Variants in TNIP3 observed in about 807,000 individuals in gnomAD.
TNIP3 encodes TNFAIP3-interacting protein 3.
A neutral mutation model predicts 54.1 loss-of-function variants in TNIP3; 34 were observed. The observed-to-expected ratio is 0.63, with a 90% CI of 0.48 to 0.84. TNIP3 has a LOEUF of 0.84. Ranked by LOEUF, TNIP3 falls within the 40% of genes least tolerant of loss-of-function variation. The pLI, the probability that TNIP3 is intolerant of heterozygous loss-of-function variation, is 0.00. For synonymous variants in TNIP3, 134 were observed against 136.8 expected (o/e 0.98, Z 0.14); for missense variants, 366 against 387.6 (o/e 0.94, Z 0.47).
At chr4:121,172,355 T>C (rs1028866136) in intron 3 of TNIP3, among the ~76,000 whole-genome samples, 9 of 152,134 alleles carry the variant, frequency 5.9e-5, no homozygotes, top group Non-Finnish European at 1.2e-4. Flanking sequence ...GAGGAGGATG[T>C]AGTGTTTACC....
chr4:121,208,325 AC>A (rs1295315350), intron 2 of TNIP3, among the ~76,000 whole-genome samples: 1 of 152,106 alleles, frequency 6.6e-6, no homozygotes, highest in Non-Finnish European at 1.5e-5. Context: ...CTATTGTAAA[AC>A]CCAGGAAGAG....
chr4:121,224,368 AT>A (rs201421689), intron 1 of TNIP3, among the ~76,000 whole-genome samples: 78,701 of 142,854 alleles, frequency 0.55, 21,158 homozygotes, highest in South Asian at 0.72. Flanking sequence ...GTCTCAAAAA[AT>A]AAAAAGAAAA....
chr4:121,178,762 C>T (rs1017622276), intron 3 of TNIP3, among the ~76,000 whole-genome samples: 1 of 152,156 alleles, frequency 6.6e-6, no homozygotes, highest in African/African-American at 2.4e-5. Context: ...TTCAGTGTTA[C>T]CATGTCTCAT....
intron 2 of TNIP3, among the ~76,000 whole-genome samples, chr4:121,202,002 C>T (rs1284083480): frequency 2.0e-5 from 3 of 152,078 alleles, no homozygotes; most frequent in African/African-American, 7.2e-5. Context: ...TCTACAAATT[C>T]AGTGCAATTC....
chr4:121,137,460 A>G (rs1467978692), intron 10 of TNIP3: 1 of 152,472 alleles, frequency 6.6e-6, no homozygotes, highest in Non-Finnish European at 1.5e-5. Context: ...TTTGATAAAT[A>G]CCTGGATATT....
upstream of TNIP3, among the ~76,000 whole-genome samples, chr4:121,166,717 A>G (rs1410798443): frequency 6.6e-6 from 1 of 152,212 alleles, no homozygotes; most frequent in Non-Finnish European, 1.5e-5. Context: ...CTATATTTCT[A>G]TAAGTTATTG....
At chr4:121,191,337 C>T (rs1417387514) in intron 2 of TNIP3, among the ~76,000 whole-genome samples, 2 of 152,092 alleles carry the variant, frequency 1.3e-5, no homozygotes, top group African/African-American at 4.8e-5. Flanking sequence ...CATTGTTCTA[C>T]AGTGGAAATA....
chr4:121,210,022 C>T (rs1027386644), intron 2 of TNIP3, among the ~76,000 whole-genome samples: 6 of 152,058 alleles, frequency 3.9e-5, no homozygotes, highest in Admixed American at 6.6e-5. Flanking sequence ...ACCTAAGAAG[C>T]GTGATTTGAA....
intron 2 of TNIP3, among the ~76,000 whole-genome samples, chr4:121,190,753 A>G (rs1333118154): frequency 6.6e-6 from 1 of 152,216 alleles, no homozygotes; most frequent in Non-Finnish European, 1.5e-5. Context: ...TAGAACCTTA[A>G]CCGAAGTGTT....
Position 121,157,158 on chromosome 4 carries a change from T to C in TNIP3, c.299A>G (p.Asp100Gly), listed in dbSNP as rs1191542069. The change falls in exon 4 of 11, where the codon GAC (aspartate) becomes GGC (glycine). Residue 100 changes from aspartate to glycine, a missense_variant. Transcript: ENST00000057513. ...CCTGTCGTCCTCTCTCTGCCTGTCG[T>C]CCTTTCTCTGCCTCTGATGCGGATC... ...EKDPHQRQRK[D>G]DRQREDDRQR... 1.3e-6 allele frequency: 2 copies of C among 1,517,156 alleles called. No homozygotes were observed. The highest frequency in any genetic ancestry group is 1.8e-6 in the Non-Finnish European group (2 of 1,124,168). 94.0% of individuals were successfully genotyped at this position (1,517,156 alleles called of 1,614,324 possible).
At chr4:121,148,559 G>C (rs1217827204) in intron 6 of TNIP3, among the ~76,000 whole-genome samples, 1 of 152,164 alleles carries the variant, frequency 6.6e-6, no homozygotes, top group Non-Finnish European at 1.5e-5. Flanking sequence ...TACTTTAGGG[G>C]TTGAGAGTTT....
chr4:121,167,954 T>G (rs1730854297), upstream of TNIP3, among the ~76,000 whole-genome samples: 1 of 152,084 alleles, frequency 6.6e-6, no homozygotes, highest in East Asian at 1.9e-4. Context: ...CAGGATAGCT[T>G]AGTTTATGAT....
intron 2 of TNIP3, among the ~76,000 whole-genome samples, chr4:121,205,418 G>A (rs923506043): frequency 5.9e-5 from 9 of 152,092 alleles, no homozygotes; most frequent in African/African-American, 2.2e-4. Context: ...AAGAGAGCCA[G>A]TTCAAGGAGG....
intron 2 of TNIP3, among the ~76,000 whole-genome samples, chr4:121,200,688 C>T (rs373717271): frequency 2.0e-5 from 3 of 152,258 alleles, no homozygotes; most frequent in African/African-American, 7.2e-5. Flanking sequence ...GGAGTTACTG[C>T]CAGTAATCAG....
chr4:121,145,148 C>T (rs1729354801), intron 7 of TNIP3, among the ~76,000 whole-genome samples: 10 of 152,130 alleles, frequency 6.6e-5, no homozygotes. Flanking sequence ...ACTTGGACAA[C>T]AAATAATATG....
At chr4:121,203,216 T>TAG (rs1725989483) in intron 2 of TNIP3, among the ~76,000 whole-genome samples, 3 of 147,072 alleles carry the variant, frequency 2.0e-5, no homozygotes, top group East Asian at 4.1e-4. Context: ...GAAAATGTGA[T>TAG]ATAGATAGAT....
At chr4:121,150,071 T>G in intron 6 of TNIP3, 32 bp downstream of exon 6, 1 of 1,428,874 alleles carries the variant, frequency 7.0e-7, no homozygotes, top group Non-Finnish European at 9.8e-7. Context: ...CAGTATGTTC[T>G]CCACAGGATC....
chr4:121,154,791 T>A (rs1451786929), intron 4 of TNIP3, 112 bp from the exon 5 acceptor site: 1 of 981,150 alleles, frequency 1.0e-6, no homozygotes, highest in Non-Finnish European at 1.5e-6. Flanking sequence ...GTCACCCTTC[T>A]GAAATACAAT....
chr4:121,187,581 T>G (rs1320346273), intron 2 of TNIP3, among the ~76,000 whole-genome samples: 3 of 152,212 alleles, frequency 2.0e-5, no homozygotes, highest in Non-Finnish European at 4.4e-5. Flanking sequence ...CCAAAGAATT[T>G]GTTTTAGGTT....
Sources: gnomAD v4.1 joint callset for allele counts (sites outside exome capture counted in the v4.1 genomes callset) on GRCh38, gnomAD v4.1.1 for gene constraint, MANE v1.5 for transcripts, NCBI Gene and HGNC (gene_info 2026-07-23, HGNC 2026-07-21) for gene names.